DAB1: variants seen among roughly 807,000 people sequenced by gnomAD.
DAB1 encodes the protein DAB adaptor protein 1, also known as disabled homolog 1.
DAB1 carries 15 observed loss-of-function variants against 64.6 expected under a neutral mutation model. That is an observed-to-expected ratio of 0.23 (90% CI 0.16 to 0.36). DAB1 has a LOEUF of 0.36. Ranked by LOEUF, DAB1 falls within the 10% of genes least tolerant of loss-of-function variation. The pLI is 1.00. For missense variants in DAB1, 596 were observed against 706.7 expected, an observed-to-expected ratio of 0.84 and a Z score of 1.78; for synonymous variants, 235 against 251.9, an observed-to-expected ratio of 0.93 and a Z score of 0.64.
chr1:58,293,894 G>C (rs1194904492), intron 4 of DAB1, among the ~76,000 whole-genome samples: 1 of 152,164 alleles, frequency 6.6e-6, no homozygotes, highest in East Asian at 1.9e-4. Context: ...AGCAGGACTG[G>C]CTCCTCAGTG....
intron 1 of DAB1, among the ~76,000 whole-genome samples, chr1:57,419,344 C>G (rs1684725963): frequency 6.6e-6 from 1 of 152,150 alleles, no homozygotes. Context: ...GGACAGTTGA[C>G]AAACACACCT....
intron 5 of DAB1, among the ~76,000 whole-genome samples, chr1:58,006,902 C>A (rs1252836704): frequency 1.3e-5 from 2 of 152,194 alleles, no homozygotes; most frequent in Non-Finnish European, 2.9e-5. Context: ...TTAAATCTGG[C>A]CTTAATGATG....
intron 2 of DAB1, among the ~76,000 whole-genome samples, chr1:57,153,533 A>G (rs1486373041): frequency 6.6e-6 from 1 of 152,178 alleles, no homozygotes; most frequent in Non-Finnish European, 1.5e-5. Context: ...CAAACTAACA[A>G]TCATAATGAG....
intron 4 of DAB1, among the ~76,000 whole-genome samples, chr1:58,248,292 A>G (rs920397158): frequency 8.5e-5 from 13 of 152,122 alleles, no homozygotes; most frequent in African/African-American, 3.1e-4. Context: ...CTGCTGTCAC[A>G]TTGCATGTAC....
intron 6 of DAB1, among the ~76,000 whole-genome samples, chr1:57,650,630 T>C (rs926657491): frequency 2.0e-5 from 3 of 152,206 alleles, no homozygotes; most frequent in Non-Finnish European, 2.9e-5. Context: ...CTTTGTAGTA[T>C]GATTGTAGGT....
chr1:58,474,411 A>G (rs949573591), intron 3 of DAB1, among the ~76,000 whole-genome samples: 4 of 152,120 alleles, frequency 2.6e-5, no homozygotes, highest in Admixed American at 2.0e-4. Flanking sequence ...GAAAAAAAAA[A>G]AGCAACTACT....
At chr1:58,379,871 A>G (rs1441375820) in intron 3 of DAB1, among the ~76,000 whole-genome samples, 1 of 152,306 alleles carries the variant, frequency 6.6e-6, no homozygotes, top group East Asian at 1.9e-4. Context: ...TCTTTTTTAT[A>G]TAGAACCTCT....
At chr1:58,302,125 G>T (rs913378637) in intron 4 of DAB1, among the ~76,000 whole-genome samples, 17 of 152,004 alleles carry the variant, frequency 1.1e-4, no homozygotes, top group African/African-American at 3.9e-4. Flanking sequence ...TTTTGAAATT[G>T]GTGTACACTT....
intron 5 of DAB1, among the ~76,000 whole-genome samples, chr1:58,041,814 G>A (rs772584811): frequency 1.2e-4 from 19 of 152,184 alleles, no homozygotes; most frequent in Non-Finnish European, 1.9e-4. Context: ...GAGAAAGAAT[G>A]CTTTGATCAA....
chr1:57,483,021 T>A (rs886819017), intron 7 of DAB1, among the ~76,000 whole-genome samples: 6 of 152,168 alleles, frequency 3.9e-5, no homozygotes, highest in Admixed American at 2.6e-4. Flanking sequence ...AGACACAATG[T>A]GGAGGATTGC....
intron 3 of DAB1, among the ~76,000 whole-genome samples, chr1:57,141,326 G>A (rs1014672726): frequency 1.7e-4 from 26 of 152,166 alleles, no homozygotes; most frequent in African/African-American, 6.3e-4. Flanking sequence ...CCAATGCAAG[G>A]CAGAGGCAGG....
At chr1:58,186,197 G>C (rs920441387) in intron 4 of DAB1, among the ~76,000 whole-genome samples, 2 of 152,138 alleles carry the variant, frequency 1.3e-5, no homozygotes, top group South Asian at 4.1e-4. Context: ...ATGGCTTCAA[G>C]CCTGAGTGCA....
intron 2 of DAB1, among the ~76,000 whole-genome samples, chr1:57,253,721 CT>C (rs1669545456): frequency 6.6e-6 from 1 of 152,144 alleles, no homozygotes; most frequent in Non-Finnish European, 1.5e-5. Context: ...TCATAGAAAA[CT>C]TTCTTGTGTC....
intron 5 of DAB1, among the ~76,000 whole-genome samples, chr1:58,101,304 G>A (rs910444362): frequency 5.9e-5 from 9 of 152,128 alleles, no homozygotes; most frequent in Middle Eastern, 3.2e-3. Flanking sequence ...GCGACAGAGC[G>A]AGACTCCGTC....
intron 3 of DAB1, among the ~76,000 whole-genome samples, chr1:58,499,596 C>T (rs1180099968): frequency 6.6e-6 from 1 of 152,000 alleles, no homozygotes; most frequent in Non-Finnish European, 1.5e-5. Flanking sequence ...ATTGTTACTA[C>T]AGTTAATAAA....
chr1:57,832,037 G>A (rs1021983029), intron 1 of DAB1, among the ~76,000 whole-genome samples: 5 of 152,164 alleles, frequency 3.3e-5, no homozygotes, highest in Admixed American at 1.3e-4. Context: ...ATATGCATAT[G>A]TACGTGCATA....
chr1:58,492,455 C>A (rs199657383), intron 3 of DAB1, among the ~76,000 whole-genome samples: 1 of 151,978 alleles, frequency 6.6e-6, no homozygotes, highest in African/African-American at 2.4e-5. Context: ...AAAAACCCTT[C>A]AAAAAATCAA....
intron 7 of DAB1, among the ~76,000 whole-genome samples, chr1:57,544,420 G>A (rs1276643703): frequency 6.6e-6 from 1 of 152,184 alleles, no homozygotes; most frequent in Non-Finnish European, 1.5e-5. Flanking sequence ...TTTGCAAGGA[G>A]TTTCCCTATA....
At chr1:58,050,718 A>T (rs1370930239) in intron 5 of DAB1, among the ~76,000 whole-genome samples, 1 of 151,906 alleles carries the variant, frequency 6.6e-6, no homozygotes, top group Non-Finnish European at 1.5e-5. Context: ...TTTAGTAGAG[A>T]CGGGGTCTCA....
Sources: gnomAD v4.1 joint callset for allele counts (sites outside exome capture counted in the v4.1 genomes callset) on GRCh38, gnomAD v4.1.1 for gene constraint, MANE v1.5 for transcripts, NCBI Gene and HGNC (gene_info 2026-07-23, HGNC 2026-07-21) for gene names.